EEA1: variants seen among roughly 807,000 people sequenced by gnomAD.
The protein encoded by EEA1 is early endosome antigen 1, also known as early endosome antigen 1, 162kD.
Under a neutral mutation model 209.2 loss-of-function variants are expected in EEA1, and 111 were observed. That is an observed-to-expected ratio of 0.53 (90% confidence interval 0.45 to 0.62). The LOEUF (loss-of-function observed/expected upper bound fraction) is 0.62. Ranked by LOEUF, EEA1 falls within the 20% of genes least tolerant of loss-of-function variation. The pLI, the probability that EEA1 is intolerant of heterozygous loss-of-function variation, is 0.00. For missense variants in EEA1, 1,343 were observed against 1,530.8 expected, an observed-to-expected ratio of 0.88 and a Z score of 2.05; for synonymous variants, 536 against 540.6, an observed-to-expected ratio of 0.99 and a Z score of 0.12.
intron 1 of EEA1, among the ~76,000 whole-genome samples, chr12:92,914,585 G>A (rs73364464): frequency 0.017 from 2,573 of 152,182 alleles, 31 homozygotes; most frequent in East Asian, 0.039. Flanking sequence ...CAGCACTTTG[G>A]AGGCTGATGT....
intron 1 of EEA1, 87 bp downstream of exon 1, chr12:92,928,956 C>G: frequency 1.4e-6 from 2 of 1,423,390 alleles, no homozygotes; most frequent in Non-Finnish European, 1.9e-6. Flanking sequence ...GGAAGGAGCC[C>G]GCGCTGAGGA....
intron 2 of EEA1, among the ~76,000 whole-genome samples, chr12:92,874,168 A>AAC (rs1555205917): frequency 2.6e-5 from 4 of 151,930 alleles, no homozygotes; most frequent in Non-Finnish European, 4.4e-5. Flanking sequence ...CAAAAAAAAA[A>AAC]AATTTAGCCA....
chr12:92,842,718 C>CT, intron 9 of EEA1, 137 bp from the exon 10 acceptor site: 1 of 580,912 alleles, frequency 1.7e-6, no homozygotes, highest in East Asian at 3.3e-5. Context: ...ATCCTACCAC[C>CT]TATACTGCCA....
At chr12:92,900,081 A>G (rs185415495) in intron 1 of EEA1, among the ~76,000 whole-genome samples, 1 of 152,244 alleles carries the variant, frequency 6.6e-6, no homozygotes, top group African/African-American at 2.4e-5. Flanking sequence ...TTTAAAACCT[A>G]CTATGCTGAT....
chr12:92,884,482 T>G lies in EEA1; in HGVS notation c.117+7147A>C, dbSNP rs534163430. The G allele has an allele frequency of 3.4e-6, 5 of 1,486,524 alleles. 1 individual carries two copies. In the East Asian group the frequency reaches 1.1e-4, roughly 34 times the overall value. 92.1% of individuals were successfully genotyped at this position (1,486,524 alleles called of 1,614,324 possible). A position where few individuals can be genotyped will look rare whatever the true frequency, so the allele number is the denominator to read the frequency against. Reference sequence around the variant, plus strand: ...GCAGTGGGGATGGCTATAATGGATTTGGTAATGATGGAAGCAATTTTGGAG... The same window carrying G: ...GCAGTGGGGATGGCTATAATGGATTGGGTAATGATGGAAGCAATTTTGGAG... On this transcript the variant is annotated intron_variant, in intron 2 of 28. Coordinates refer to ENST00000322349, the MANE Select transcript of EEA1 (RefSeq NM_003566.4).
At position 92,832,848 on chromosome 12, in the gene EEA1, G is replaced by C; in HGVS notation, c.918C>G (p.Thr306=). 1 of 1,581,114 alleles carries C rather than the reference G, an allele frequency of 6.3e-7. No individual in the cohort carries two copies. The highest frequency in any genetic ancestry group is 8.6e-7 in the Non-Finnish European group (1 of 1,167,924). The change falls in exon 11 of 29, where the codon ACC becomes ACG. Residue 306 remains threonine, a splice_region_variant and synonymous_variant. Transcript: ENST00000322349. ...CTTTTTTCAGCAAGTTTTCTGTCAA[G>C]GTCTAAAATATCAATTTAACAATTT... ...SVNELTQKNQ[T]LTENLLKKEQ...
Position 92,774,041 on chromosome 12 carries a change from TTTA to T in EEA1, c.*1967_*1969del, listed in dbSNP as rs1873545786. On this transcript the variant is annotated 3_prime_UTR_variant, in exon 29 of 29. Coordinates refer to ENST00000322349, the MANE Select transcript of EEA1 (RefSeq NM_003566.4). ...ATTCAAACCCAGATTTCTCATGGAA[TTTA>T]TTATCTCAAAAAAAAAAAAAAAACA... The T allele has an allele frequency of 2.0e-5, 2 of 99,284 alleles. No homozygotes were observed. Among genetic ancestry groups the T allele is most frequent in the South Asian group, 3.7e-4 (1 of 2,724 alleles). The allele number at this position is 99,284 out of a possible 1,614,324, so 6.2% of individuals were successfully genotyped here. A position where few individuals can be genotyped will look rare whatever the true frequency, so the allele number is the denominator to read the frequency against.
intron 2 of EEA1, among the ~76,000 whole-genome samples, chr12:92,869,752 CAAAAAAAAAAAAAAAAAAAAAA>C (rs71069185): frequency 3.0e-4 from 8 of 26,792 alleles, no homozygotes; most frequent in South Asian, 2.8e-3. Context: ...GATTCTGCCT[CAAAAAAAAAAAAAAAAAAAAAA>C]AAAAAAAAAA....
intron 3 of EEA1, chr12:92,858,411 G>C (rs1282369585): frequency 9.9e-6 from 12 of 1,212,494 alleles, no homozygotes; most frequent in African/African-American, 5.9e-5. Flanking sequence ...GGTAGCCTTG[G>C]AGCAACAGTC....
intron 2 of EEA1, among the ~76,000 whole-genome samples, chr12:92,878,239 G>A (rs1448381162): frequency 2.0e-5 from 3 of 151,782 alleles, no homozygotes; most frequent in African/African-American, 4.8e-5. Context: ...CTCGCTACAA[G>A]AAAATTAAAA....
At chr12:92,827,303 G>A (rs1433833945) in intron 12 of EEA1, among the ~76,000 whole-genome samples, 2 of 152,200 alleles carry the variant, frequency 1.3e-5, no homozygotes, top group South Asian at 2.1e-4. Flanking sequence ...GCAGTGAGCC[G>A]AGATCAAGCC....
rs563231978 is a variant in EEA1 at position 92,826,340 on chromosome 12, A to T, written c.1405-55T>A. The T allele has an allele frequency of 3.3e-6, 5 of 1,503,106 alleles. No homozygotes were observed. In the South Asian group the frequency reaches 5.7e-5, roughly 17 times the overall value. 93.1% of individuals were successfully genotyped at this position (1,503,106 alleles called of 1,614,324 possible). Reference sequence around the variant, plus strand: ...ACTTAAAGGCATAATGCTATCATTCATAAGTATCTGGCATTACTTCAATTC... The same window carrying T: ...ACTTAAAGGCATAATGCTATCATTCTTAAGTATCTGGCATTACTTCAATTC... On this transcript the variant is annotated intron_variant, in intron 12 of 28. Coordinates refer to ENST00000322349, the MANE Select transcript of EEA1 (RefSeq NM_003566.4).
chr12:92,911,599 A>C (rs949449152), intron 1 of EEA1, among the ~76,000 whole-genome samples: 4 of 152,232 alleles, frequency 2.6e-5, no homozygotes, highest in Admixed American at 1.3e-4. Context: ...AGAATGTACA[A>C]CACCAAGAGT....
intron 1 of EEA1, among the ~76,000 whole-genome samples, chr12:92,897,892 TTAAAG>T (rs1425122574): frequency 1.3e-5 from 2 of 152,214 alleles, no homozygotes; most frequent in Non-Finnish European, 1.5e-5. Context: ...TATTTTTTAA[TTAAAG>T]TATCTATTAG....
At chr12:92,872,409 AAAG>A (rs1233464201) in intron 2 of EEA1, among the ~76,000 whole-genome samples, 1 of 152,208 alleles carries the variant, frequency 6.6e-6, no homozygotes, top group African/African-American at 2.4e-5. Context: ...TGTGTTCAAC[AAAG>A]AAGTTCTCTT....
intron 2 of EEA1, among the ~76,000 whole-genome samples, chr12:92,865,318 C>T (rs1393795479): frequency 6.6e-6 from 1 of 151,454 alleles, no homozygotes; most frequent in African/African-American, 2.4e-5. Context: ...TCCTTCCTTT[C>T]TCTAGCTATC....
intron 10 of EEA1, among the ~76,000 whole-genome samples, chr12:92,840,160 GA>G (rs1877105291): frequency 6.6e-6 from 1 of 151,262 alleles, no homozygotes; most frequent in South Asian, 2.1e-4. Flanking sequence ...TATATTTCAC[GA>G]AAATGTTAAG....
chr12:92,786,476 T>C (rs894713466), intron 22 of EEA1, among the ~76,000 whole-genome samples: 12 of 152,176 alleles, frequency 7.9e-5, no homozygotes, highest in African/African-American at 2.2e-4. Flanking sequence ...GATAGATACA[T>C]AGATATTCTA....
At chr12:92,901,894 A>G (rs1880159168) in intron 1 of EEA1, among the ~76,000 whole-genome samples, 1 of 152,116 alleles carries the variant, frequency 6.6e-6, no homozygotes, top group South Asian at 2.1e-4. Context: ...TTTTTAAGCC[A>G]CTAAAATTCC....
Sources: gnomAD v4.1 joint callset for allele counts (sites outside exome capture counted in the v4.1 genomes callset) on GRCh38, gnomAD v4.1.1 for gene constraint, MANE v1.5 for transcripts, NCBI Gene and HGNC (gene_info 2026-07-23, HGNC 2026-07-21) for gene names.